CENPI: variants seen among roughly 807,000 people sequenced by gnomAD.
CENPI encodes centromere protein I, also known as FSH primary response 1.
In CENPI, 4 loss-of-function variants were observed where a neutral mutation model predicts 60.4. That is an observed-to-expected ratio of 0.07 (90% CI 0.03 to 0.15). The LOEUF (loss-of-function observed/expected upper bound fraction) is 0.15. CENPI is among the 10% of genes least tolerant of loss of function. CENPI has a pLI of 1.00. For missense variants in CENPI, 444 were observed against 534.5 expected, an observed-to-expected ratio of 0.83 and a Z score of 1.67; for synonymous variants, 157 against 189.4, an observed-to-expected ratio of 0.83 and a Z score of 1.40.
At chrX:101,171,475 C>T in the CENPI span, among the ~76,000 whole-genome samples, 1 of 111,762 alleles carries the variant, frequency 8.9e-6, no homozygotes, top group Non-Finnish European at 1.9e-5. Flanking sequence ...GTGACACTTT[C>T]GCCCAGGCTA....
rs1018702489 is a variant in CENPI, at chrX:101,098,438, T to C, written c.-109-6T>C. ...CAGAAGCTGCTCCCCTGCCCTTCTT[T>C]CCTAGGAACCTAGGAAATAACTCGG... is the stretch of plus-strand genomic sequence containing the variant. On this transcript the variant is annotated splice_polypyrimidine_tract_variant and splice_region_variant and intron_variant, in intron 1 of 21. Coordinates refer to ENST00000682095, the MANE Select transcript of CENPI (RefSeq NM_001386188.2). 4.5e-5 allele frequency: 5 copies of C among 110,948 alleles called. No individual in the cohort carries two copies. The highest frequency in any genetic ancestry group is 9.4e-5 in the Non-Finnish European group (5 of 52,940). The allele number at this position is 110,948 out of a possible 1,213,427, so 9.1% of individuals were successfully genotyped here. A position where few individuals can be genotyped will look rare whatever the true frequency, so the allele number is the denominator to read the frequency against.
intron 4 of CENPI, among the ~76,000 whole-genome samples, chrX:101,108,689 G>A (rs755571877): frequency 1.9e-5 from 2 of 107,158 alleles, no homozygotes; most frequent in Non-Finnish European, 3.8e-5. Flanking sequence ...CTGTCACCCA[G>A]GCTGGAGTGC....
chrX:101,140,296 A>G (rs2089903452), intron 15 of CENPI, among the ~76,000 whole-genome samples: 1 of 112,279 alleles, frequency 8.9e-6, no homozygotes, highest in African/African-American at 3.2e-5. Context: ...ACCACAAGGT[A>G]AAAAGGGAGA....
At chrX:101,109,329 C>T (rs1970170222) in intron 4 of CENPI, 144 bp from the exon 5 acceptor site, 3 of 464,425 alleles carry the variant, frequency 6.5e-6, no homozygotes, top group East Asian at 3.7e-5. Context: ...GATCTGCCCA[C>T]CATGGCCTCC....
At position 101,127,580 on chromosome X, in the gene CENPI, C is replaced by T. The variant is rs771728208; in HGVS notation, c.989C>T (p.Ser330Phe). 2 of 1,194,793 alleles carry T rather than the reference C, an allele frequency of 1.7e-6. No homozygotes were observed. Reference protein sequence around the residue: ...KECGKKEMSLSDCLNRSGSFP... With the variant: ...KECGKKEMSLFDCLNRSGSFP... Reference sequence around the variant, plus strand: ...TGTGGAAAAAAAGAGATGAGTCTTTCTGATTGTCTGAATAGAAGTGGATCA... The same window carrying T: ...TGTGGAAAAAAAGAGATGAGTCTTTTTGATTGTCTGAATAGAAGTGGATCA... The change falls in exon 11 of 22, where the codon TCT becomes TTT. Residue 330 changes from serine to phenylalanine, a missense_variant. Physicochemically the swap from Ser to Phe is radical, Grantham distance 155. Transcript: ENST00000682095.
At chrX:101,137,735 T>C (rs2089861396) in intron 15 of CENPI, among the ~76,000 whole-genome samples, 1 of 107,610 alleles carries the variant, frequency 9.3e-6, no homozygotes, top group Non-Finnish European at 1.9e-5. Context: ...TCCCTTCCAA[T>C]ATTTGAAGGA....
intron 15 of CENPI, among the ~76,000 whole-genome samples, chrX:101,137,100 A>G (rs1238563882): frequency 8.1e-5 from 9 of 110,765 alleles, no homozygotes; most frequent in Admixed American, 9.7e-5. Context: ...TTTTGTAGAG[A>G]CAAGGTCTCA....
the CENPI span, among the ~76,000 whole-genome samples, chrX:101,174,835 C>T: frequency 1.8e-5 from 2 of 111,618 alleles, no homozygotes; most frequent in East Asian, 2.8e-4. Flanking sequence ...AGGCCAGGCC[C>T]GGTGGCTCAC....
At position 101,148,006 on chromosome X, in the gene CENPI, A is replaced by G. The variant is rs778337055; in HGVS notation, c.1939A>G (p.Met647Val). The G allele has an allele frequency of 8.3e-7, 1 of 1,201,656 alleles. No homozygotes were observed. The highest frequency in any genetic ancestry group is 1.8e-5 in the South Asian group (1 of 54,246). ...YQEFNHYLTSMVGCLWTSKPF... is the reference protein window; with the variant it reads ...YQEFNHYLTSVVGCLWTSKPF... ...AGAATTTAATCACTATTTGACATCAATGGTTGGTTGCCTGTGGACGTCCAA... is the reference window on the plus strand; with the variant it reads ...AGAATTTAATCACTATTTGACATCAGTGGTTGGTTGCCTGTGGACGTCCAA... Residue 647 changes from methionine (M) to valine (V), a missense_variant, in exon 20 of 22, where the codon ATG (methionine) becomes GTG (valine). Met to Val is a conservative substitution (Grantham distance 21). Coordinates refer to ENST00000682095, the MANE Select transcript of CENPI (RefSeq NM_001386188.2).
the CENPI span, among the ~76,000 whole-genome samples, chrX:101,175,957 C>G: frequency 5.7e-3 from 639 of 111,282 alleles, 5 homozygotes; most frequent in African/African-American, 0.017. Flanking sequence ...CACACCCTTC[C>G]CAGCCTCTGG....
intron 17 of CENPI, 28 bp from the exon 18 acceptor site, chrX:101,146,125 A>T: frequency 8.4e-7 from 1 of 1,183,590 alleles, no homozygotes; most frequent in Non-Finnish European, 1.1e-6. Flanking sequence ...AATACTCTGT[A>T]TACTGATGTT....
At chrX:101,152,072 T>G (rs1192816286) in intron 20 of CENPI, among the ~76,000 whole-genome samples, 1 of 109,666 alleles carries the variant, frequency 9.1e-6, no homozygotes, top group African/African-American at 3.3e-5. Flanking sequence ...TCTAGAAGTT[T>G]CTTTTTTTTT....
At chrX:101,179,769 C>T in the CENPI span, among the ~76,000 whole-genome samples, 1 of 112,549 alleles carries the variant, frequency 8.9e-6, no homozygotes, top group Admixed American at 9.4e-5. Flanking sequence ...ATCTGCCCGC[C>T]TCGGCCTCCC....
chrX:101,145,298 A>G (rs2089953107), intron 17 of CENPI, 99 bp downstream of exon 17: 3 of 670,355 alleles, frequency 4.5e-6, no homozygotes, highest in Admixed American at 3.0e-5. Context: ...AAGGTGGGCT[A>G]TGATCTTATT....
At chrX:101,180,061 T>C in the CENPI span, among the ~76,000 whole-genome samples, 1 of 112,309 alleles carries the variant, frequency 8.9e-6, no homozygotes, top group Non-Finnish European at 1.9e-5. Context: ...ATTTACCTAA[T>C]GACTGGTGGT....
chrX:101,113,151 TTTTTTC>T (rs2089574290), intron 6 of CENPI, among the ~76,000 whole-genome samples: 1 of 109,629 alleles, frequency 9.1e-6, no homozygotes, highest in Non-Finnish European at 1.9e-5. Flanking sequence ...CTTTAACTCT[TTTTTTC>T]TTTTTCTTTT....
intron 9 of CENPI, 62 bp downstream of exon 9, chrX:101,126,860 A>C (rs2089741597): frequency 1.0e-6 from 1 of 976,709 alleles, no homozygotes; most frequent in African/African-American, 1.9e-5. Context: ...TGGTAAAGTT[A>C]ACTTACAGAT....
In CENPI at chrX:101,145,169, G is replaced by C; in HGVS notation, c.1671G>C (p.Leu557Phe). The part of the protein sequence containing the change: ...AMRLESNNTF[L>F]LHFILDFYEK... ...GCTTGGAGAGCAACAATACTTTCTTGCTGCACTTTATTTTGGATTTCTATG... is the reference window on the plus strand; with the variant it reads ...GCTTGGAGAGCAACAATACTTTCTTCCTGCACTTTATTTTGGATTTCTATG... The change falls in exon 17 of 22, where the codon TTG (leucine) becomes TTC (phenylalanine). Residue 557 changes from leucine (L) to phenylalanine (F), a missense_variant. By Grantham distance (22) the Leu-to-Phe change is conservative. Transcript: ENST00000682095. 1 of 1,208,694 alleles carries C rather than the reference G, an allele frequency of 8.3e-7. No homozygotes were observed. The highest frequency in any genetic ancestry group is 1.1e-6 in the Non-Finnish European group (1 of 893,381).
At chrX:101,130,115 C>A (rs2089780240) in intron 13 of CENPI, 42 bp downstream of exon 13, 1 of 960,924 alleles carries the variant, frequency 1.0e-6, no homozygotes, top group East Asian at 3.1e-5. Flanking sequence ...CCACTCTTTA[C>A]TAAAATTTAT....
Sources: allele counts gnomAD v4.1 joint callset (sites outside exome capture counted in the v4.1 genomes callset), GRCh38; gene constraint gnomAD v4.1.1; transcripts MANE v1.5; gene names NCBI Gene and HGNC (gene_info 2026-07-23, HGNC 2026-07-21).